Variants in ATRNL1 observed in about 807,000 individuals in gnomAD.
ATRNL1 encodes attractin like 1.
ATRNL1 carries 95 observed loss-of-function variants against 182.7 expected under a neutral mutation model. The observed-to-expected ratio is 0.52, with a 90% CI of 0.44 to 0.62. The LOEUF (loss-of-function observed/expected upper bound fraction) is 0.62. Among genes scored for constraint, ATRNL1 ranks in the 20% least tolerant of loss-of-function variants. The probability of loss-of-function intolerance (pLI) is 0.00; values close to 1 mark genes in which losing one functional copy is unlikely to be tolerated. For missense variants in ATRNL1, 1,471 were observed against 1,679.5 expected (o/e 0.88, Z 2.17); for synonymous variants, 576 against 568.3 (o/e 1.01, Z -0.19).
intron 19 of ATRNL1, among the ~76,000 whole-genome samples, chr10:115,380,476 C>T (rs1857936238): frequency 6.6e-6 from 1 of 152,178 alleles, no homozygotes; most frequent in Middle Eastern, 3.4e-3. Context: ...GTTTTCATCA[C>T]CCCCCTCTAA....
At chr10:115,747,860 A>G (rs1374678572) in intron 27 of ATRNL1, among the ~76,000 whole-genome samples, 1 of 152,098 alleles carries the variant, frequency 6.6e-6, no homozygotes, top group Non-Finnish European at 1.5e-5. Context: ...GGGTTCATAA[A>G]TAGTGCCTTC....
At chr10:115,540,152 A>AAT (rs200471496) in intron 25 of ATRNL1, among the ~76,000 whole-genome samples, 15 of 147,530 alleles carry the variant, frequency 1.0e-4, no homozygotes, top group Non-Finnish European at 2.2e-4. Context: ...TAAATAAATA[A>AAT]ATATATAGTG....
At chr10:115,493,847 C>A (rs1554977373) in intron 24 of ATRNL1, among the ~76,000 whole-genome samples, 1 of 152,132 alleles carries the variant, frequency 6.6e-6, no homozygotes, top group African/African-American at 2.4e-5. Context: ...CTTTGATTTG[C>A]AATTCTTTAA....
intron 18 of ATRNL1, among the ~76,000 whole-genome samples, chr10:115,325,213 A>T (rs547122994): frequency 1.3e-5 from 2 of 152,254 alleles, no homozygotes; most frequent in South Asian, 2.1e-4. Context: ...TTTAGAGAAA[A>T]TAGAATGGAT....
chr10:115,253,245 T>G (rs542864404), intron 10 of ATRNL1, among the ~76,000 whole-genome samples: 20 of 152,294 alleles, frequency 1.3e-4, no homozygotes, highest in African/African-American at 4.6e-4. Context: ...TAGTCAACCC[T>G]GTAAGGATTG....
At position 115,165,655 on chromosome 10, in the gene ATRNL1, C is replaced by A; in HGVS notation, c.1092+10C>A. On this transcript the variant is annotated intron_variant, in intron 7 of 28. Coordinates refer to ENST00000355044, the MANE Select transcript of ATRNL1 (RefSeq NM_207303.4). The stretch of plus-strand genomic sequence containing the variant: ...TCTTGCTTTATATCAGGTATGGCTC[C>A]TGCTTTTTAAATTTTAATCAGATTT... The A allele has an allele frequency of 6.9e-7, 1 of 1,456,290 alleles. No individual in the cohort carries two copies. Among genetic ancestry groups the A allele is most frequent in the Non-Finnish European group, 9.2e-7 (1 of 1,084,998 alleles). 90.2% of individuals were successfully genotyped at this position (1,456,290 alleles called of 1,614,324 possible).
chr10:115,683,547 C>CGTTTTT (rs1555045356), intron 26 of ATRNL1, among the ~76,000 whole-genome samples: 3 of 18,790 alleles, frequency 1.6e-4, no homozygotes, highest in East Asian at 5.0e-3. Context: ...AGAGAACTAG[C>CGTTTTT]GTTTTTTTTT....
chr10:115,764,802 T>C (rs1555074597), intron 27 of ATRNL1, among the ~76,000 whole-genome samples: 1 of 152,066 alleles, frequency 6.6e-6, no homozygotes, highest in East Asian at 1.9e-4. Context: ...GCCTCCCAAG[T>C]AGCTGGATTA....
chr10:115,946,415 GT>G lies in ATRNL1; in HGVS notation c.*1638del, dbSNP rs1324088858. On this transcript the variant is annotated 3_prime_UTR_variant, in exon 29 of 29. Coordinates refer to ENST00000355044, the MANE Select transcript of ATRNL1 (RefSeq NM_207303.4). ...AAGAGGAATGATCATACAATATGTA[GT>G]TGCATCTTATATAAGATTTCTAGGT... 1 of 152,138 alleles carries G rather than the reference GT, an allele frequency of 6.6e-6. No homozygotes were observed. The highest frequency in any genetic ancestry group is 1.5e-5 in the Non-Finnish European group (1 of 68,012). The allele number at this position is 152,138 out of a possible 1,614,324, so 9.4% of individuals were successfully genotyped here.
chr10:115,223,304 C>G (rs1053985767), intron 9 of ATRNL1, among the ~76,000 whole-genome samples: 9 of 152,026 alleles, frequency 5.9e-5, no homozygotes, highest in Non-Finnish European at 8.8e-5. Context: ...TCCAGTTATA[C>G]TAAATGTGAC....
At chr10:115,143,003 A>T (rs1554878411) in intron 5 of ATRNL1, among the ~76,000 whole-genome samples, 1 of 152,176 alleles carries the variant, frequency 6.6e-6, no homozygotes. Context: ...GGAGATAGTG[A>T]GGAGGCAGTT....
chr10:115,787,332 C>T (rs1237267659), intron 27 of ATRNL1, among the ~76,000 whole-genome samples: 1 of 152,068 alleles, frequency 6.6e-6, no homozygotes, highest in Non-Finnish European at 1.5e-5. Flanking sequence ...CCAGGCTTTA[C>T]CCATTCGGGC....
At chr10:115,682,142 A>G (rs937211338) in intron 26 of ATRNL1, among the ~76,000 whole-genome samples, 2 of 152,196 alleles carry the variant, frequency 1.3e-5, no homozygotes, top group Non-Finnish European at 2.9e-5. Flanking sequence ...CAGGATAGAT[A>G]AACTGAACAC....
At chr10:115,360,838 A>G (rs1287737724) in intron 19 of ATRNL1, among the ~76,000 whole-genome samples, 4 of 151,688 alleles carry the variant, frequency 2.6e-5, no homozygotes, top group African/African-American at 4.8e-5. Context: ...TTAGGACTAC[A>G]CTATATTATT....
chr10:115,594,506 TTTTG>T (rs141891543), intron 26 of ATRNL1, among the ~76,000 whole-genome samples: 2,966 of 152,250 alleles, frequency 0.019, 65 homozygotes, highest in East Asian at 0.12. Context: ...AATACTTGTT[TTTTG>T]TTTTGTTTTG....
intron 9 of ATRNL1, among the ~76,000 whole-genome samples, chr10:115,226,341 G>A (rs1409351812): frequency 4.6e-5 from 7 of 152,052 alleles, no homozygotes; most frequent in Non-Finnish European, 7.4e-5. Flanking sequence ...ATATTTATGA[G>A]TAAAGAAAGA....
chr10:115,885,637 TA>T (rs1555109578), intron 28 of ATRNL1, among the ~76,000 whole-genome samples: 1 of 152,246 alleles, frequency 6.6e-6, no homozygotes, highest in East Asian at 1.9e-4. Context: ...TTATCAATGT[TA>T]ACTTTTTTCC....
chr10:115,771,906 G>A (rs1219467366), intron 27 of ATRNL1, among the ~76,000 whole-genome samples: 1 of 152,178 alleles, frequency 6.6e-6, no homozygotes, highest in Non-Finnish European at 1.5e-5. Flanking sequence ...GGAAAAATAA[G>A]ATGAGATGTT....
At chr10:115,343,867 T>C (rs1468179134) in intron 19 of ATRNL1, among the ~76,000 whole-genome samples, 1 of 152,172 alleles carries the variant, frequency 6.6e-6, no homozygotes, top group African/African-American at 2.4e-5. Context: ...CCAGTAATAC[T>C]TTACTTACAA....
Sources: allele counts gnomAD v4.1 joint callset (sites outside exome capture counted in the v4.1 genomes callset), GRCh38; gene constraint gnomAD v4.1.1; transcripts MANE v1.5; gene names NCBI Gene and HGNC (gene_info 2026-07-23, HGNC 2026-07-21).